Variants in XRN1 observed in about 807,000 individuals in gnomAD.
XRN1 encodes the protein 5'-3' exoribonuclease 1.
Under a neutral mutation model 222.3 loss-of-function variants are expected in XRN1, and 67 were observed. The ratio of observed to expected loss-of-function variants is 0.30; its 90% CI spans 0.25 to 0.37. The LOEUF is 0.37. Ranked by LOEUF, XRN1 falls within the 10% of genes least tolerant of loss-of-function variation. The pLI is 1.00. For missense variants in XRN1, 1,707 were observed against 2,000.2 expected (o/e 0.85, Z 2.80); for synonymous variants, 643 against 652.4 (o/e 0.99, Z 0.22).
chr3:142,332,836 C>A, intron 35 of XRN1, 131 bp downstream of exon 35: 1 of 1,382,746 alleles, frequency 7.2e-7, no homozygotes, highest in Non-Finnish European at 9.7e-7. Context: ...CTGGTTTCCT[C>A]ACAAGATGAC....
In XRN1 at chr3:142,383,430, T is replaced by G. The variant is rs759866390; in HGVS notation, c.2503-17A>C. On this transcript the variant is annotated splice_polypyrimidine_tract_variant and intron_variant, in intron 21 of 40. Coordinates refer to ENST00000392981, the MANE Select transcript of XRN1 (RefSeq NM_001282857.2). Reference sequence around the variant, plus strand: ...TCGGATGTCCTACATAAAATAAAAGTAAATAATCTTAGTCATAATTTCTAT... The same window carrying G: ...TCGGATGTCCTACATAAAATAAAAGGAAATAATCTTAGTCATAATTTCTAT... The G allele has an allele frequency of 6.3e-7, 1 of 1,584,448 alleles. No homozygotes were observed. The highest frequency in any genetic ancestry group is 8.6e-7 in the Non-Finnish European group (1 of 1,157,460).
At chr3:142,409,757 C>T (rs2068492158) in intron 15 of XRN1, among the ~76,000 whole-genome samples, 1 of 152,194 alleles carries the variant, frequency 6.6e-6, no homozygotes, top group African/African-American at 2.4e-5. Context: ...TACACCTTAA[C>T]AATATTAAGT....
intron 10 of XRN1, among the ~76,000 whole-genome samples, chr3:142,419,309 G>A (rs1048579686): frequency 2.6e-5 from 4 of 151,502 alleles, no homozygotes; most frequent in African/African-American, 7.3e-5. Context: ...TGCAGAGCCC[G>A]TTTTCTTAGG....
intron 39 of XRN1, chr3:142,313,071 G>C: frequency 2.6e-6 from 4 of 1,524,048 alleles, no homozygotes; most frequent in African/African-American, 1.4e-5. Flanking sequence ...AAATAAAAGG[G>C]TCATGAAATT....
intron 37 of XRN1, among the ~76,000 whole-genome samples, chr3:142,323,699 C>T (rs953649852): frequency 7.2e-5 from 11 of 151,920 alleles, no homozygotes; most frequent in Admixed American, 3.3e-4. Context: ...TAGAGCAGGA[C>T]GGGCATGGTG....
In XRN1 at chr3:142,307,109, C is replaced by T. The variant is rs1482012639; in HGVS notation, c.*4402G>A. ...GATACAGGCAAAAGAAAATATGATA[C>T]TTAAAGCCAAAAGACAAAAAAATCC... is the stretch of plus-strand genomic sequence containing the variant. On this transcript the variant is annotated 3_prime_UTR_variant, in exon 41 of 41. Coordinates refer to ENST00000392981, the MANE Select transcript of XRN1 (RefSeq NM_001282857.2). The T allele has an allele frequency of 6.6e-6, 1 of 152,220 alleles. No homozygotes were observed. The highest frequency in any genetic ancestry group is 1.5e-5 in the Non-Finnish European group (1 of 68,002). The allele number at this position is 152,220 out of a possible 1,614,324, so 9.4% of individuals were successfully genotyped here.
chr3:142,352,459 T>C (rs2066336340), intron 32 of XRN1, among the ~76,000 whole-genome samples: 1 of 152,196 alleles, frequency 6.6e-6, no homozygotes, highest in Non-Finnish European at 1.5e-5. Context: ...CTTTATTCTT[T>C]AAGTTATGAC....
intron 36 of XRN1, among the ~76,000 whole-genome samples, chr3:142,331,724 A>C (rs2065701353): frequency 6.6e-6 from 1 of 152,220 alleles, no homozygotes; most frequent in African/African-American, 2.4e-5. Context: ...AAGTAATCAC[A>C]AGAAGACATT....
intron 2 of XRN1, 96 bp downstream of exon 2, chr3:142,432,565 A>G (rs547444823): frequency 1.7e-6 from 2 of 1,174,562 alleles, no homozygotes; most frequent in Admixed American, 5.9e-5. Context: ...GCAGAAAATA[A>G]ACATGAACAG....
chr3:142,323,068 C>T (rs951202043), intron 37 of XRN1, among the ~76,000 whole-genome samples: 1 of 152,126 alleles, frequency 6.6e-6, no homozygotes. Flanking sequence ...GATCCTTCTG[C>T]CTCAGCCTCC....
chr3:142,446,890 T>G (rs2070527764), intron 1 of XRN1, among the ~76,000 whole-genome samples: 1 of 152,242 alleles, frequency 6.6e-6, no homozygotes, highest in South Asian at 2.1e-4. Flanking sequence ...ACTACCTTCA[T>G]GTTCGTAAAT....
chr3:142,384,271 C>CA (rs369012282), intron 21 of XRN1, among the ~76,000 whole-genome samples: 992 of 52,004 alleles, frequency 0.019, 12 homozygotes, highest in African/African-American at 0.033. Flanking sequence ...GACTCTGTCT[C>CA]AAAAAAAAAA....
chr3:142,427,668 C>T (rs533101596), intron 2 of XRN1, among the ~76,000 whole-genome samples: 18 of 152,266 alleles, frequency 1.2e-4, no homozygotes, highest in Middle Eastern at 3.4e-3. Context: ...ATGAAATCAA[C>T]TGCAAAATCA....
chr3:142,318,664 A>C lies in XRN1; in HGVS notation c.4549T>G (p.Ser1517Ala). The C allele has an allele frequency of 6.2e-7, 1 of 1,609,634 alleles. No homozygotes were observed. ...GAAGGATAATTTGCAAATACTTGTG[A>C]AGGCAAAGGGAAATTCATGCCTAAG... The part of the protein sequence containing the change: ...GSLGMNFPLP[S>A]QVFANYPSAV... Residue 1517 changes from serine (S) to alanine (A), a missense_variant, in exon 39 of 41, where the codon TCA becomes GCA. Coordinates refer to ENST00000392981, the MANE Select transcript of XRN1 (RefSeq NM_001282857.2).
chr3:142,404,062 T>C (rs1043449409), intron 16 of XRN1, 73 bp from the exon 17 acceptor site: 1 of 1,298,940 alleles, frequency 7.7e-7, no homozygotes, highest in African/African-American at 1.5e-5. Flanking sequence ...AACTTTCCCT[T>C]GTATATTTCG....
intron 33 of XRN1, among the ~76,000 whole-genome samples, chr3:142,344,736 T>C (rs2066092111): frequency 6.6e-6 from 1 of 152,058 alleles, no homozygotes; most frequent in East Asian, 1.9e-4. Flanking sequence ...CAAGACATCA[T>C]GGAAAGAAAT....
intron 30 of XRN1, among the ~76,000 whole-genome samples, chr3:142,358,751 T>C (rs1432493669): frequency 1.3e-5 from 2 of 152,090 alleles, no homozygotes; most frequent in Non-Finnish European, 2.9e-5. Flanking sequence ...GAAAAGTCTT[T>C]GAATAACAAG....
intron 1 of XRN1, among the ~76,000 whole-genome samples, chr3:142,438,502 G>A (rs576190053): frequency 7.2e-5 from 11 of 152,230 alleles, no homozygotes; most frequent in African/African-American, 1.4e-4. Flanking sequence ...CTTACAGGAC[G>A]CTCTAGGACT....
chr3:142,423,529 T>C, intron 6 of XRN1, 31 bp downstream of exon 6: 2 of 1,532,754 alleles, frequency 1.3e-6, no homozygotes, highest in South Asian at 1.2e-5. Flanking sequence ...GCGTAATTTC[T>C]TTCTTCCAAC....
Sources: gnomAD v4.1 joint callset for allele counts (sites outside exome capture counted in the v4.1 genomes callset) on GRCh38, gnomAD v4.1.1 for gene constraint, MANE v1.5 for transcripts, NCBI Gene and HGNC (gene_info 2026-07-23, HGNC 2026-07-21) for gene names.